FNDC3B: variants seen among roughly 807,000 people sequenced by gnomAD.
The protein encoded by FNDC3B is fibronectin type III domain-containing protein 3B.
A neutral mutation model predicts 151.5 loss-of-function variants in FNDC3B; 12 were observed. The ratio of observed to expected loss-of-function variants is 0.08; its 90% CI spans 0.05 to 0.13. The LOEUF (loss-of-function observed/expected upper bound fraction) is 0.13. Among genes scored for constraint, FNDC3B ranks in the 10% least tolerant of loss-of-function variants. The pLI is 1.00. For missense variants in FNDC3B, 1,214 were observed against 1,505.3 expected, an observed-to-expected ratio of 0.81 and a Z score of 3.20; for synonymous variants, 528 against 549.0, an observed-to-expected ratio of 0.96 and a Z score of 0.54.
rs1219697542 is a variant in FNDC3B, at chr3:172,398,405, GTCT to G, written c.*935_*937del. ...CCATGATTTACACTAATTGTGAGCA[GTCT>G]TCTTATGTGTCAGCTCATTATTTTT... On this transcript the variant is annotated 3_prime_UTR_variant, in exon 26 of 26. Coordinates refer to ENST00000415807, the MANE Select transcript of FNDC3B (RefSeq NM_022763.4). The G allele has an allele frequency of 6.6e-6, 1 of 152,600 alleles. No homozygotes were observed. The highest frequency in any genetic ancestry group is 1.5e-5 in the Non-Finnish European group (1 of 68,036). The allele number at this position is 152,600 out of a possible 1,614,324, so 9.5% of individuals were successfully genotyped here.
rs1733611323 is a variant in FNDC3B at position 172,346,308 on chromosome 3, T to C, written c.2251-19T>C. 1 of 1,420,718 alleles carries C rather than the reference T, an allele frequency of 7.0e-7. No homozygotes were observed. Among genetic ancestry groups the C allele is most frequent in the Non-Finnish European group, 9.9e-7 (1 of 1,005,686 alleles). The allele number at this position is 1,420,718 out of a possible 1,614,324, so 88.0% of individuals were successfully genotyped here. ...ACACGCATATATACATACGTGTGTGTGCGTGTGTTTTCTTTCAGTATGGTC... is the reference window on the plus strand; with the variant it reads ...ACACGCATATATACATACGTGTGTGCGCGTGTGTTTTCTTTCAGTATGGTC... On this transcript the variant is annotated intron_variant, in intron 19 of 25. Coordinates refer to ENST00000415807, the MANE Select transcript of FNDC3B (RefSeq NM_022763.4).
intron 1 of FNDC3B, among the ~76,000 whole-genome samples, chr3:172,068,370 T>G (rs1717607435): frequency 6.6e-6 from 1 of 152,078 alleles, no homozygotes; most frequent in African/African-American, 2.4e-5. Flanking sequence ...GAATTAATTT[T>G]GTAGTTCTCC....
At chr3:172,071,817 CA>C (rs1717794484) in intron 1 of FNDC3B, among the ~76,000 whole-genome samples, 2 of 152,170 alleles carry the variant, frequency 1.3e-5, no homozygotes, top group South Asian at 4.2e-4. Context: ...ACATAGCGAG[CA>C]CTTCCGTATG....
intron 25 of FNDC3B, among the ~76,000 whole-genome samples, chr3:172,393,169 A>G (rs1026296713): frequency 2.0e-5 from 3 of 152,128 alleles, no homozygotes; most frequent in African/African-American, 7.2e-5. Flanking sequence ...AAGGACACCC[A>G]TAGACTGAAA....
At chr3:172,392,216 G>C (rs1322929205) in intron 25 of FNDC3B, among the ~76,000 whole-genome samples, 2 of 152,226 alleles carry the variant, frequency 1.3e-5, no homozygotes, top group Admixed American at 1.3e-4. Context: ...TTTGCTTACA[G>C]CTCTTCTTAG....
intron 16 of FNDC3B, among the ~76,000 whole-genome samples, chr3:172,339,502 G>A (rs1285070): frequency 0.52 from 78,411 of 151,896 alleles, 20,666 homozygotes; most frequent in Non-Finnish European, 0.58. Context: ...GTCGGAGGTC[G>A]CAGTGAGCCG....
At chr3:172,335,244 C>G (rs750931902) in intron 15 of FNDC3B, 162 bp downstream of exon 15, 6 of 550,608 alleles carry the variant, frequency 1.1e-5, no homozygotes, top group Non-Finnish European at 1.8e-5. Context: ...CCTGAGAATT[C>G]TACAAATTGG....
intron 3 of FNDC3B, among the ~76,000 whole-genome samples, chr3:172,202,225 T>C (rs1725190442): frequency 1.3e-5 from 2 of 152,194 alleles, no homozygotes; most frequent in African/African-American, 4.8e-5. Flanking sequence ...TTAATGACTC[T>C]TTATTTGTAA....
chr3:172,241,519 G>A (rs1464039991), intron 4 of FNDC3B, among the ~76,000 whole-genome samples: 1 of 151,956 alleles, frequency 6.6e-6, no homozygotes, highest in Non-Finnish European at 1.5e-5. Flanking sequence ...CACAATCATG[G>A]TAGAAGGCAA....
chr3:172,323,821 A>T (rs1732209935), intron 11 of FNDC3B, among the ~76,000 whole-genome samples: 1 of 152,142 alleles, frequency 6.6e-6, no homozygotes, highest in Admixed American at 6.5e-5. Context: ...TCCCATTATT[A>T]ATTAGGACTT....
intron 2 of FNDC3B, among the ~76,000 whole-genome samples, chr3:172,124,500 C>G (rs955260819): frequency 2.0e-5 from 3 of 152,222 alleles, no homozygotes; most frequent in Non-Finnish European, 4.4e-5. Flanking sequence ...CTAACAATTA[C>G]TCTTAAACCT....
intron 7 of FNDC3B, among the ~76,000 whole-genome samples, chr3:172,290,665 G>A (rs190093205): frequency 2.0e-5 from 3 of 152,292 alleles, no homozygotes; most frequent in Non-Finnish European, 2.9e-5. Flanking sequence ...ACTGACCTGC[G>A]AGGAACACTT....
intron 23 of FNDC3B, among the ~76,000 whole-genome samples, chr3:172,376,742 AGAACACTAAATAGGT>A (rs1432738912): frequency 6.6e-6 from 1 of 152,138 alleles, no homozygotes; most frequent in Non-Finnish European, 1.5e-5. Flanking sequence ...CAAAGCAGAC[AGAACACTAAATAGGT>A]GAAATGACCA....
At position 172,329,144 on chromosome 3, in the gene FNDC3B, G is replaced by C; in HGVS notation, c.1379+68G>C. On this transcript the variant is annotated intron_variant, in intron 12 of 25. Coordinates refer to ENST00000415807, the MANE Select transcript of FNDC3B (RefSeq NM_022763.4). ...GTGATCCTGAGCCTTCTTTTACATA[G>C]CTGGAAGGCATGAGGAAGCCTGCTG... The C allele has an allele frequency of 3.9e-6, 6 of 1,522,844 alleles. No homozygotes were observed. In the South Asian group the frequency reaches 7.3e-5, roughly 19 times the overall value. 94.3% of individuals were successfully genotyped at this position (1,522,844 alleles called of 1,614,324 possible). A position where few individuals can be genotyped will look rare whatever the true frequency, so the allele number is the denominator to read the frequency against.
chr3:172,107,195 T>C (rs1719697966), intron 1 of FNDC3B, among the ~76,000 whole-genome samples: 1 of 152,124 alleles, frequency 6.6e-6, no homozygotes, highest in Non-Finnish European at 1.5e-5. Context: ...GGTTTTAGTG[T>C]TATGTGTGGT....
At chr3:172,235,235 G>A (rs1727089317) in intron 4 of FNDC3B, among the ~76,000 whole-genome samples, 1 of 152,104 alleles carries the variant, frequency 6.6e-6, no homozygotes, top group African/African-American at 2.4e-5. Context: ...CTATAACACT[G>A]TAATATGACA....
chr3:172,112,116 TGTATG>T (rs2108539817), intron 1 of FNDC3B, among the ~76,000 whole-genome samples: 2 of 152,352 alleles, frequency 1.3e-5, no homozygotes, highest in South Asian at 4.1e-4. Context: ...TTTGAAAATG[TGTATG>T]AATTTCATTA....
intron 2 of FNDC3B, among the ~76,000 whole-genome samples, chr3:172,127,957 C>T (rs1389342938): frequency 6.6e-6 from 1 of 152,132 alleles, no homozygotes; most frequent in South Asian, 2.1e-4. Context: ...CACACCCGGC[C>T]GAGGATACAG....
intron 3 of FNDC3B, among the ~76,000 whole-genome samples, chr3:172,137,362 A>G (rs372522843): frequency 6.6e-6 from 1 of 152,220 alleles, no homozygotes; most frequent in South Asian, 2.1e-4. Flanking sequence ...GCAAATTAAT[A>G]CAGAAGAATA....
Sources: gnomAD v4.1 joint callset for allele counts (sites outside exome capture counted in the v4.1 genomes callset) on GRCh38, gnomAD v4.1.1 for gene constraint, MANE v1.5 for transcripts, NCBI Gene and HGNC (gene_info 2026-07-23, HGNC 2026-07-21) for gene names.